GABBR2: variants seen among roughly 807,000 people sequenced by gnomAD.
The protein encoded by GABBR2 is G-protein coupled receptor 51.
Under a neutral mutation model 105.6 loss-of-function variants are expected in GABBR2, and 23 were observed. The observed-to-expected ratio is 0.22, with a 90% CI of 0.16 to 0.31. GABBR2 has a LOEUF of 0.31. Ranked by LOEUF, GABBR2 falls within the 10% of genes least tolerant of loss-of-function variation. The pLI is 1.00. For missense variants in GABBR2, 734 were observed against 1,245.5 expected, an observed-to-expected ratio of 0.59 and a Z score of 6.18; for synonymous variants, 478 against 499.7, an observed-to-expected ratio of 0.96 and a Z score of 0.58.
chr9:98,544,886 G>A (rs1252567324), intron 2 of GABBR2, among the ~76,000 whole-genome samples: 29 of 152,146 alleles, frequency 1.9e-4, no homozygotes, highest in Admixed American at 1.9e-3. Flanking sequence ...GGGAAATAAA[G>A]CTCTCTATAG....
intron 13 of GABBR2, among the ~76,000 whole-genome samples, chr9:98,318,369 C>T (rs1296389779): frequency 6.6e-6 from 1 of 152,234 alleles, no homozygotes; most frequent in Non-Finnish European, 1.5e-5. Context: ...AACGCAGATT[C>T]TCTTTGTCAC....
At chr9:98,377,575 G>C (rs1226872503) in intron 11 of GABBR2, among the ~76,000 whole-genome samples, 1 of 152,210 alleles carries the variant, frequency 6.6e-6, no homozygotes, top group Non-Finnish European at 1.5e-5. Context: ...GCTCCTCGAG[G>C]ACCATGCTCT....
At position 98,406,126 on chromosome 9, in the gene GABBR2, G is replaced by A. The variant is rs779267117; in HGVS notation, c.1252C>T (p.Arg418Trp). The change falls in exon 8 of 19, where the codon CGG (arginine) becomes TGG (tryptophan). Residue 418 changes from arginine to tryptophan, a missense_variant. Arg to Trp is a moderately radical substitution (Grantham distance 101). Coordinates refer to ENST00000259455, the MANE Select transcript of GABBR2 (RefSeq NM_005458.8). ...FFGVTGQVVF[R>W]NGERMGTIKF... is the part of the protein sequence containing the mutation. ...ATGGTCCCCATTCTCTCCCCATTCC[G>A]GAATACAACTTGACCCTAAAAACAA... The A allele has an allele frequency of 3.2e-6, 5 of 1,579,402 alleles. No individual in the cohort carries two copies. The highest frequency in any genetic ancestry group is 1.9e-5 in the Admixed American group (1 of 53,646).
At chr9:98,632,831 G>A (rs185975500) in intron 1 of GABBR2, among the ~76,000 whole-genome samples, 1 of 152,286 alleles carries the variant, frequency 6.6e-6, no homozygotes, top group East Asian at 1.9e-4. Context: ...CTAAGTTTGG[G>A]ATGGTTTGTT....
chr9:98,422,688 G>A (rs1043520458), intron 7 of GABBR2, among the ~76,000 whole-genome samples: 1 of 151,764 alleles, frequency 6.6e-6, no homozygotes, highest in African/African-American at 2.4e-5. Context: ...GTATACATGT[G>A]CCATGCTGGT....
chr9:98,693,351 C>T (rs1035008676), intron 1 of GABBR2, among the ~76,000 whole-genome samples: 3 of 152,220 alleles, frequency 2.0e-5, no homozygotes, highest in Non-Finnish European at 2.9e-5. Context: ...GATGCCATTC[C>T]CGGGCCCCTC....
At chr9:98,557,410 G>A (rs1289972544) in intron 2 of GABBR2, among the ~76,000 whole-genome samples, 1 of 152,222 alleles carries the variant, frequency 6.6e-6, no homozygotes, top group African/African-American at 2.4e-5. Context: ...TGCAGAGGGA[G>A]CAAACTTACT....
At chr9:98,589,274 ACCCTGCCCAT>A (rs1349798613) in intron 1 of GABBR2, among the ~76,000 whole-genome samples, 1 of 152,098 alleles carries the variant, frequency 6.6e-6, no homozygotes, top group East Asian at 1.9e-4. Context: ...CTGAAGGCTC[ACCCTGCCCAT>A]CTCTCTTCAT....
At chr9:98,330,700 T>C (rs770973066) in intron 13 of GABBR2, among the ~76,000 whole-genome samples, 1 of 152,260 alleles carries the variant, frequency 6.6e-6, no homozygotes, top group Non-Finnish European at 1.5e-5. Context: ...TTTCTTTACC[T>C]GGAATGTCCT....
intron 12 of GABBR2, among the ~76,000 whole-genome samples, chr9:98,368,128 C>A (rs1564033820): frequency 6.6e-6 from 1 of 152,050 alleles, no homozygotes; most frequent in Non-Finnish European, 1.5e-5. Flanking sequence ...GCCCTCCTCA[C>A]CGTCACAATC....
chr9:98,590,020 T>C (rs1829125441), intron 1 of GABBR2, among the ~76,000 whole-genome samples: 1 of 152,230 alleles, frequency 6.6e-6, no homozygotes. Context: ...TGAGCCATCA[T>C]GCCCTGCTGA....
intron 1 of GABBR2, among the ~76,000 whole-genome samples, chr9:98,638,673 G>T (rs1829915028): frequency 1.3e-5 from 2 of 152,082 alleles, no homozygotes; most frequent in African/African-American, 4.8e-5. Context: ...TTTATTGAGA[G>T]TCTGAAGAAA....
intron 1 of GABBR2, among the ~76,000 whole-genome samples, chr9:98,619,974 C>G (rs1004123021): frequency 3.3e-5 from 5 of 152,148 alleles, no homozygotes; most frequent in Non-Finnish European, 7.3e-5. Context: ...CACTTACCCT[C>G]TCTGTGCTGT....
chr9:98,463,870 G>A (rs545004260), intron 6 of GABBR2, among the ~76,000 whole-genome samples: 11 of 152,242 alleles, frequency 7.2e-5, no homozygotes, highest in Non-Finnish European at 1.0e-4. Context: ...TCCTGGCCTC[G>A]GGTGATCTGC....
intron 12 of GABBR2, among the ~76,000 whole-genome samples, chr9:98,370,016 C>T (rs991218509): frequency 4.0e-5 from 6 of 151,888 alleles, no homozygotes; most frequent in African/African-American, 7.3e-5. Flanking sequence ...GACTGGTGTC[C>T]GACTCCTGCT....
chr9:98,576,825 C>T (rs141177919), intron 2 of GABBR2, among the ~76,000 whole-genome samples: 314 of 152,310 alleles, frequency 2.1e-3, no homozygotes, highest in African/African-American at 7.4e-3. Context: ...TAATGTGAAC[C>T]ATACCTATCC....
At chr9:98,328,007 C>A (rs1164998800) in intron 13 of GABBR2, among the ~76,000 whole-genome samples, 1 of 98,936 alleles carries the variant, frequency 1.0e-5, no homozygotes, top group Non-Finnish European at 2.3e-5. Flanking sequence ...TCTTCCATTC[C>A]CTTTTATTTT....
At position 98,708,665 on chromosome 9, in the gene GABBR2, G is replaced by A. The variant is rs2131893161; in HGVS notation, c.73C>T (p.Leu25=). ...AGCAGCAGCGGCAGCAGCAGTAGCAGTAGCAGGCGCGCGGGCGGCGGTGGC... is the reference window on the plus strand; with the variant it reads ...AGCAGCAGCGGCAGCAGCAGTAGCAATAGCAGGCGCGCGGGCGGCGGTGGC... The part of the protein sequence containing the change: ...PPPPPPARLL[L]LLLLPLLLPL... Residue 25 remains leucine (L), a synonymous_variant, in exon 1 of 19, where the codon CTG becomes TTG. Transcript: ENST00000259455. 1 of 1,193,422 alleles carries A rather than the reference G, an allele frequency of 8.4e-7. No individual in the cohort carries two copies. Among genetic ancestry groups the A allele is most frequent in the Non-Finnish European group, 1.0e-6 (1 of 963,316 alleles). 73.9% of individuals were successfully genotyped at this position (1,193,422 alleles called of 1,614,324 possible).
intron 1 of GABBR2, among the ~76,000 whole-genome samples, chr9:98,636,495 T>C (rs1002667103): frequency 1.5e-5 from 2 of 134,210 alleles, no homozygotes; most frequent in Non-Finnish European, 3.2e-5. Flanking sequence ...CTTTTTTTTT[T>C]TTTTTTTTTT....
Sources: allele counts gnomAD v4.1 joint callset (sites outside exome capture counted in the v4.1 genomes callset), GRCh38; gene constraint gnomAD v4.1.1; transcripts MANE v1.5; gene names NCBI Gene and HGNC (gene_info 2026-07-23, HGNC 2026-07-21).